The following PDE3A variants were observed in gnomAD, a reference collection of about 807,000 sequenced individuals.
PDE3A encodes phosphodiesterase 3A.
PDE3A carries 43 observed loss-of-function variants against 98.3 expected under a neutral mutation model. That is an observed-to-expected ratio of 0.44 (90% CI 0.34 to 0.56). The LOEUF (loss-of-function observed/expected upper bound fraction) is 0.56. PDE3A is among the 20% of genes least tolerant of loss of function. The pLI is 0.01. For synonymous variants in PDE3A, 663 were observed against 567.9 expected (o/e 1.17, Z -2.38); for missense variants, 1,427 against 1,440.7 (o/e 0.99, Z 0.15).
intron 2 of PDE3A, among the ~76,000 whole-genome samples, chr12:20,582,481 T>C (rs910622630): frequency 2.0e-5 from 3 of 152,154 alleles, no homozygotes; most frequent in African/African-American, 7.2e-5. Flanking sequence ...CAAAATTATT[T>C]TGATGGAAAT....
chr12:20,498,915 G>A (rs1945973454), intron 1 of PDE3A, among the ~76,000 whole-genome samples: 1 of 152,076 alleles, frequency 6.6e-6, no homozygotes, highest in African/African-American at 2.4e-5. Flanking sequence ...AGCAGTAAAG[G>A]CAAGAATGTA....
chr12:20,388,810 T>A (rs1943860791), intron 1 of PDE3A, among the ~76,000 whole-genome samples: 2 of 152,044 alleles, frequency 1.3e-5, no homozygotes. Flanking sequence ...TGCGTAAGAC[T>A]AAGGAACTTT....
chr12:20,458,990 G>A (rs370869362), intron 1 of PDE3A, among the ~76,000 whole-genome samples: 2 of 152,148 alleles, frequency 1.3e-5, no homozygotes, highest in Admixed American at 1.3e-4. Context: ...ATAAAAATAT[G>A]TAAATAAAAG....
intron 8 of PDE3A, among the ~76,000 whole-genome samples, chr12:20,636,726 T>C (rs1592135747): frequency 6.6e-6 from 1 of 152,302 alleles, no homozygotes; most frequent in African/African-American, 2.4e-5. Context: ...TGTAGAGATA[T>C]AAATTTACAT....
chr12:20,509,412 C>T (rs1946177124), intron 1 of PDE3A, among the ~76,000 whole-genome samples: 1 of 152,080 alleles, frequency 6.6e-6, no homozygotes, highest in Admixed American at 6.6e-5. Flanking sequence ...GGTACCCCTA[C>T]ATTAGTTTCT....
chr12:20,649,007 C>T lies in PDE3A; in HGVS notation c.2769+116C>T, dbSNP rs866632899. On this transcript the variant is annotated intron_variant, in intron 13 of 15. Transcript: ENST00000359062. ...GTGGCACGATCTTGGCTCACTGCAG[C>T]CTCTGCCTCCTGGGTTCAAGTGATT... 42 of 644,992 alleles carry T rather than the reference C, an allele frequency of 6.5e-5. No individual in the cohort carries two copies. In the Middle Eastern group the frequency reaches 1.7e-3, roughly 26 times the overall value. The allele number at this position is 644,992 out of a possible 1,614,324, so 40.0% of individuals were successfully genotyped here. A position where few individuals can be genotyped will look rare whatever the true frequency, so the allele number is the denominator to read the frequency against.
chr12:20,476,750 G>T (rs1414816011), intron 1 of PDE3A, among the ~76,000 whole-genome samples: 1 of 152,214 alleles, frequency 6.6e-6, no homozygotes, highest in Non-Finnish European at 1.5e-5. Flanking sequence ...GGTTTAGATG[G>T]AAAGGCCTTG....
intron 14 of PDE3A, among the ~76,000 whole-genome samples, chr12:20,652,337 T>A (rs1944938325): frequency 6.6e-6 from 1 of 152,202 alleles, no homozygotes; most frequent in African/African-American, 2.4e-5. Context: ...CCCTGAGGAA[T>A]AGCCACACTG....
intron 14 of PDE3A, among the ~76,000 whole-genome samples, chr12:20,651,166 A>G (rs892973639): frequency 2.0e-5 from 3 of 152,222 alleles, no homozygotes; most frequent in African/African-American, 7.2e-5. Flanking sequence ...TAGACATTTC[A>G]TTTGACATGA....
At chr12:20,548,877 A>G (rs1227492302) in intron 1 of PDE3A, among the ~76,000 whole-genome samples, 1 of 152,192 alleles carries the variant, frequency 6.6e-6, no homozygotes, top group African/African-American at 2.4e-5. Context: ...TCTCTTTGAA[A>G]TAATATCAAC....
chr12:20,431,855 C>T (rs998036283), intron 1 of PDE3A, among the ~76,000 whole-genome samples: 1 of 152,168 alleles, frequency 6.6e-6, no homozygotes, highest in Non-Finnish European at 1.5e-5. Flanking sequence ...AGTTTAATAA[C>T]ACATTTTGCA....
intron 1 of PDE3A, among the ~76,000 whole-genome samples, chr12:20,407,047 T>G (rs975154895): frequency 6.6e-6 from 1 of 152,172 alleles, no homozygotes; most frequent in Non-Finnish European, 1.5e-5. Context: ...GTTCTATTGG[T>G]CTATGTGATA....
At chr12:20,449,065 G>A (rs901728367) in intron 1 of PDE3A, among the ~76,000 whole-genome samples, 2 of 152,148 alleles carry the variant, frequency 1.3e-5, no homozygotes, top group African/African-American at 2.4e-5. Context: ...CTTTGTAAAA[G>A]CAATGCCGTA....
chr12:20,586,971 CT>C (rs1943212947), intron 2 of PDE3A, among the ~76,000 whole-genome samples: 1 of 152,096 alleles, frequency 6.6e-6, no homozygotes. Flanking sequence ...CCATTTTACT[CT>C]TTGCTGTTAA....
rs1565526645 is a variant in PDE3A at position 20,369,508 on chromosome 12, CGCTGCTGGT to C, written c.226_234del (p.Leu76_Val78del). On this transcript the variant is annotated inframe_deletion, in exon 1 of 16. Coordinates refer to ENST00000359062, the MANE Select transcript of PDE3A (RefSeq NM_000921.5). ...GCGGGCTCCCTGTCCTTTCTGCTGG[CGCTGCTGGT>C]GAGGCTGGTCCGCGGGGAGGTCGGC... 12 of 1,560,782 alleles carry C rather than the reference CGCTGCTGGT, an allele frequency of 7.7e-6. No homozygotes were observed. Among genetic ancestry groups the C allele is most frequent in the Non-Finnish European group, 1.0e-5 (12 of 1,152,428 alleles).
chr12:20,370,353 A>C (rs1943446034), intron 1 of PDE3A, 109 bp downstream of exon 1: 1 of 862,470 alleles, frequency 1.2e-6, no homozygotes, highest in Admixed American at 3.3e-5. Context: ...GATAGCCTAG[A>C]AAACTGGTCT....
chr12:20,542,163 T>C (rs1941931019), intron 1 of PDE3A, among the ~76,000 whole-genome samples: 1 of 152,050 alleles, frequency 6.6e-6, no homozygotes, highest in Non-Finnish European at 1.5e-5. Flanking sequence ...TTGGCACTTA[T>C]GAAAACTTCA....
rs1186405129 is a variant in PDE3A at position 20,680,424 on chromosome 12, T to C, written c.*153T>C. Reference sequence around the variant, plus strand: ...TCTTCGCATTTTGTGTGTATATTTTTACAGTGAGGTACATTGTTAAAAACT... The same window carrying C: ...TCTTCGCATTTTGTGTGTATATTTTCACAGTGAGGTACATTGTTAAAAACT... On this transcript the variant is annotated 3_prime_UTR_variant, in exon 16 of 16. Transcript: ENST00000359062. 6.3e-5 allele frequency: 48 copies of C among 763,740 alleles called. No individual in the cohort carries two copies. The South Asian group carries it at 9.2e-4, about 15-fold the overall frequency. 47.3% of individuals were successfully genotyped at this position (763,740 alleles called of 1,614,324 possible).
At chr12:20,472,394 A>G (rs1945453876) in intron 1 of PDE3A, among the ~76,000 whole-genome samples, 1 of 152,170 alleles carries the variant, frequency 6.6e-6, no homozygotes, top group African/African-American at 2.4e-5. Flanking sequence ...CATTCCTACA[A>G]CATCGGCTCC....
Sources: gnomAD v4.1 joint callset for allele counts (sites outside exome capture counted in the v4.1 genomes callset) on GRCh38, gnomAD v4.1.1 for gene constraint, MANE v1.5 for transcripts, NCBI Gene and HGNC (gene_info 2026-07-23, HGNC 2026-07-21) for gene names.